Variants in PTPRN2 observed in about 807,000 individuals in gnomAD.
The protein encoded by PTPRN2 is receptor-type tyrosine-protein phosphatase N2.
In PTPRN2, 74 loss-of-function variants were observed where a neutral mutation model predicts 118.8. That is an observed-to-expected ratio of 0.62 (90% CI 0.52 to 0.76). The LOEUF (loss-of-function observed/expected upper bound fraction) is 0.76. Among genes scored for constraint, PTPRN2 ranks in the 30% least tolerant of loss-of-function variants. The probability of loss-of-function intolerance (pLI) is 0.00; values close to 1 mark genes in which losing one functional copy is unlikely to be tolerated. For synonymous variants in PTPRN2, 641 were observed against 608.0 expected, an observed-to-expected ratio of 1.05 and a Z score of -0.80; for missense variants, 1,481 against 1,394.4, an observed-to-expected ratio of 1.06 and a Z score of -0.99.
At chr7:158,536,013 C>T (rs1165551908) in intron 1 of PTPRN2, among the ~76,000 whole-genome samples, 1 of 151,018 alleles carries the variant, frequency 6.6e-6, no homozygotes, top group East Asian at 1.9e-4. Flanking sequence ...GAACCCCACA[C>T]ATAACCACAC....
rs569690932 is a variant in PTPRN2 at position 158,488,604 on chromosome 7, G to A, written c.163+1131C>T. On this transcript the variant is annotated intron_variant, in intron 2 of 22. Coordinates refer to ENST00000389418, the MANE Select transcript of PTPRN2 (RefSeq NM_002847.5). Reference sequence around the variant, plus strand: ...ACCTCGGCTCCCCCTGGATGCACCAGTGCAGGGGAGGCCTGTCCTGAAAGG... The same window carrying A: ...ACCTCGGCTCCCCCTGGATGCACCAATGCAGGGGAGGCCTGTCCTGAAAGG... Among the ~76,000 whole-genome samples the A allele has an allele frequency of 6.4e-4, 98 of 152,344 alleles. 1 individual carries two copies. Among genetic ancestry groups the A allele is most frequent in the Non-Finnish European group, 1.3e-3 (87 of 68,026 alleles).
chr7:158,420,935 C>A (rs1815196253), intron 2 of PTPRN2, among the ~76,000 whole-genome samples: 1 of 152,184 alleles, frequency 6.6e-6, no homozygotes, highest in Non-Finnish European at 1.5e-5. Flanking sequence ...CCCTGGGTTC[C>A]AACAGGGCCT....
chr7:158,134,022 T>C lies in PTPRN2; in HGVS notation c.1211A>G (p.Gln404Arg). 2 of 1,613,854 alleles carry C rather than the reference T, an allele frequency of 1.2e-6. No individual in the cohort carries two copies. Among genetic ancestry groups the C allele is most frequent in the Admixed American group, 1.7e-5 (1 of 60,010 alleles). Residue 404 changes from glutamine (Q) to arginine (R), a missense_variant, in exon 9 of 23, where the codon CAG becomes CGG. Physicochemically the swap from Gln to Arg is conservative, Grantham distance 43. This residue lies in a region of PTPRN2 where 1,115 missense variants were observed against 994.2 expected (regional missense o/e 1.12). Transcript: ENST00000389418. ...AGGTAAGAGTCGAGACCCGTGGTCC[T>C]GCAGGAGGCCCCCGAGTGTGGCACT... ...RLSATLGGLL[Q>R]DHGSRLLPGA...
In PTPRN2 at chr7:158,327,319, TCA is replaced by T. The variant is rs556146412; in HGVS notation, c.164-10389_164-10388del. On this transcript the variant is annotated intron_variant, in intron 2 of 22. Coordinates refer to ENST00000389418, the MANE Select transcript of PTPRN2 (RefSeq NM_002847.5). The stretch of plus-strand genomic sequence containing the variant: ...TACACATTCTCACACATACACATTC[TCA>T]CATGCACACACGTGCTCACACATGC... 3.3e-3 allele frequency among the ~76,000 whole-genome samples: 492 copies of T among 148,522 alleles called. 8 individuals are homozygous for T. Among genetic ancestry groups the T allele is most frequent in the African/African-American group, 0.011 (459 of 40,102 alleles).
chr7:158,358,134 C>T (rs1808538488), intron 2 of PTPRN2, among the ~76,000 whole-genome samples: 1 of 152,246 alleles, frequency 6.6e-6, no homozygotes, highest in Admixed American at 6.5e-5. Flanking sequence ...GCCCGGCTCA[C>T]CCCTGCAGGC....
At chr7:158,394,316 A>G (rs1005735670) in intron 2 of PTPRN2, among the ~76,000 whole-genome samples, 10 of 152,056 alleles carry the variant, frequency 6.6e-5, no homozygotes, top group African/African-American at 2.4e-4. Flanking sequence ...GAGCAGGTAT[A>G]ATTTTTCTTG....
chr7:158,342,249 G>A (rs62493643), intron 2 of PTPRN2, among the ~76,000 whole-genome samples: 620 of 37,822 alleles, frequency 0.016, 2 homozygotes, highest in Non-Finnish European at 0.023. Flanking sequence ...AAGAGCTGAC[G>A]CCCGCAGACG....
intron 4 of PTPRN2, among the ~76,000 whole-genome samples, chr7:158,198,560 A>T (rs1466317658): frequency 6.6e-6 from 1 of 152,210 alleles, no homozygotes; most frequent in Non-Finnish European, 1.5e-5. Context: ...CTGTGAAGTC[A>T]TCGGTGCTCA....
At chr7:158,206,979 C>T (rs2150751682) in intron 3 of PTPRN2, among the ~76,000 whole-genome samples, 1 of 123,194 alleles carries the variant, frequency 8.1e-6, no homozygotes, top group African/African-American at 3.1e-5. Flanking sequence ...CCACAACAGT[C>T]CCCAGAGTGT....
chr7:157,847,871 T>C (rs59042053), intron 12 of PTPRN2, among the ~76,000 whole-genome samples: 14 of 108,202 alleles, frequency 1.3e-4, no homozygotes, highest in African/African-American at 3.6e-4. Context: ...CCCTCTCTCA[T>C]TACATCATGT....
In PTPRN2 at chr7:157,691,081, C is replaced by A. The variant is rs1051290012; in HGVS notation, c.1789-8144G>T. On this transcript the variant is annotated intron_variant, in intron 12 of 22. Coordinates refer to ENST00000389418, the MANE Select transcript of PTPRN2 (RefSeq NM_002847.5). ...CTATAGCGATGTCCCCCCCCCCCCC[C>A]ACATGTTGCTGACAGCAATTGGCTA... is the stretch of plus-strand genomic sequence containing the variant. 5.9e-4 allele frequency among the ~76,000 whole-genome samples: 69 copies of A among 117,088 alleles called. 1 individual carries two copies. The highest frequency in any genetic ancestry group is 1.9e-3 in the Admixed American group (23 of 12,352). The allele number at this position is 117,088 out of a possible 152,430, so 76.8% of individuals were successfully genotyped here.
chr7:158,236,516 G>A (rs1325410836), intron 3 of PTPRN2, among the ~76,000 whole-genome samples: 1 of 152,192 alleles, frequency 6.6e-6, no homozygotes, highest in Non-Finnish European at 1.5e-5. Context: ...TGGCGTCTGT[G>A]GGGTGGGGGC....
intron 1 of PTPRN2, among the ~76,000 whole-genome samples, chr7:158,505,947 C>T (rs979385293): frequency 1.3e-5 from 2 of 152,204 alleles, no homozygotes; most frequent in Non-Finnish European, 2.9e-5. Flanking sequence ...GTGGGTCAGA[C>T]GCTGCACCGG....
In PTPRN2 at chr7:157,944,672, T is replaced by C. The variant is rs1462502522; in HGVS notation, c.1724-45935A>G. Among the ~76,000 whole-genome samples the C allele has an allele frequency of 1.3e-5, 2 of 152,228 alleles. No individual in the cohort carries two copies. Among genetic ancestry groups the C allele is most frequent in the Non-Finnish European group, 2.9e-5 (2 of 68,046 alleles). ...AACACCAAAATAGAGGCAAAAGTCCTGAGAAGGGAGTTGTTTTTAGTCACC... is the reference window on the plus strand; with the variant it reads ...AACACCAAAATAGAGGCAAAAGTCCCGAGAAGGGAGTTGTTTTTAGTCACC... On this transcript the variant is annotated intron_variant, in intron 11 of 22. Transcript: ENST00000389418. This position sits in a 1 kb window ranked among gnomAD's most constrained non-coding sequence, Gnocchi z 4.3.
chr7:158,274,340 C>CG (rs1554436669), intron 3 of PTPRN2, among the ~76,000 whole-genome samples: 1 of 1,954 alleles, frequency 5.1e-4, no homozygotes, highest in African/African-American at 2.7e-3. Flanking sequence ...GCCGCAGACG[C>CG]GGGAGAGCCA....
intron 3 of PTPRN2, among the ~76,000 whole-genome samples, chr7:158,241,525 T>TAACA: frequency 6.6e-6 from 1 of 151,738 alleles, no homozygotes; most frequent in African/African-American, 2.4e-5. Flanking sequence ...AAAAAAGAAT[T>TAACA]AATAAATAAA....
At chr7:158,215,110 G>A (rs1229421483) in intron 3 of PTPRN2, among the ~76,000 whole-genome samples, 1 of 152,188 alleles carries the variant, frequency 6.6e-6, no homozygotes, top group Non-Finnish European at 1.5e-5. Flanking sequence ...ATGCTTCAAT[G>A]AGCAATTATG....
At chr7:158,442,628 C>T (rs569499428) in intron 2 of PTPRN2, among the ~76,000 whole-genome samples, 2 of 152,124 alleles carry the variant, frequency 1.3e-5, no homozygotes, top group Non-Finnish European at 2.9e-5. Flanking sequence ...GACATTTACC[C>T]GAATGTTCTT....
intron 12 of PTPRN2, among the ~76,000 whole-genome samples, chr7:157,837,110 C>T (rs1417894529): frequency 6.9e-6 from 1 of 144,264 alleles, no homozygotes; most frequent in African/African-American, 2.6e-5. Flanking sequence ...CCTATCCACT[C>T]ACCACCACCT....
Sources: gnomAD v4.1 joint callset for allele counts (sites outside exome capture counted in the v4.1 genomes callset) on GRCh38, gnomAD v4.1.1 for gene constraint, gnomAD v4.1.1 regional missense constraint, Gnocchi (gnomAD v3.1) non-coding constraint, MANE v1.5 for transcripts, NCBI Gene and HGNC (gene_info 2026-07-23, HGNC 2026-07-21) for gene names.